Variants in RREB1 observed in about 807,000 individuals in gnomAD.
RREB1 encodes ras responsive element binding protein 1.
RREB1 carries 27 observed loss-of-function variants against 117.8 expected under a neutral mutation model. The observed-to-expected ratio is 0.23, with a 90% confidence interval of 0.17 to 0.32. The LOEUF is 0.32. Ranked by LOEUF, RREB1 falls within the 10% of genes least tolerant of loss-of-function variation. The probability of loss-of-function intolerance (pLI) is 1.00; values close to 1 mark genes in which losing one functional copy is unlikely to be tolerated. For synonymous variants in RREB1, 1,298 were observed against 1,026.7 expected (o/e 1.26, Z -5.05); for missense variants, 2,577 against 2,378.2 (o/e 1.08, Z -1.74).
At chr6:7,153,341 A>G (rs972052699) in intron 1 of RREB1, among the ~76,000 whole-genome samples, 1 of 151,934 alleles carries the variant, frequency 6.6e-6, no homozygotes, top group Non-Finnish European at 1.5e-5. Context: ...ACGTGATTAC[A>G]TAAATAAAAT....
chr6:7,190,281 A>AT (rs143134008), intron 6 of RREB1, among the ~76,000 whole-genome samples: 4,614 of 151,984 alleles, frequency 0.03, 234 homozygotes, highest in African/African-American at 0.1. Flanking sequence ...TTAAAATGAG[A>AT]TTTTTTTTGT....
In RREB1 at chr6:7,115,848, C is replaced by T. The variant is rs186034060; in HGVS notation, c.-285+7788C>T. ...CTCTCCCTTCCTTCTGGAAGGTGAT[C>T]ACCATCCACCCAGCCTTCTAGGCCA... On this transcript the variant is annotated intron_variant, in intron 1 of 12. Transcript: ENST00000379938. 3.3e-5 allele frequency among the ~76,000 whole-genome samples: 5 copies of T among 152,236 alleles called. No homozygotes were observed. The East Asian group carries it at 9.7e-4, about 29-fold the overall frequency.
At chr6:7,177,579 G>A (rs1039960862) in intron 2 of RREB1, among the ~76,000 whole-genome samples, 2 of 152,090 alleles carry the variant, frequency 1.3e-5, no homozygotes, top group African/African-American at 4.8e-5. Flanking sequence ...CTGTCGCCCA[G>A]GCTGGAATGC....
At chr6:7,127,958 G>A (rs562086957) in intron 1 of RREB1, among the ~76,000 whole-genome samples, 15 of 152,204 alleles carry the variant, frequency 9.9e-5, no homozygotes, top group African/African-American at 3.4e-4. Context: ...GAGTGGATGT[G>A]AAGGAAGTCA....
In RREB1 at chr6:7,250,412, C is replaced by G. The variant is rs2113217706; in HGVS notation, c.*1444C>G. 1 of 152,238 alleles carries G rather than the reference C, an allele frequency of 6.6e-6. No homozygotes were observed. The highest frequency in any genetic ancestry group is 1.9e-4 in the East Asian group (1 of 5,178). The allele number at this position is 152,238 out of a possible 1,614,324, so 9.4% of individuals were successfully genotyped here. ...GCCCACACCCCTGGATGCAAAAAGG[C>G]AGGGTTATTTTTACCCATGAGCATC... is the stretch of plus-strand genomic sequence containing the variant. On this transcript the variant is annotated 3_prime_UTR_variant, in exon 13 of 13. Transcript: ENST00000379938.
intron 11 of RREB1, among the ~76,000 whole-genome samples, chr6:7,245,377 A>G (rs181554483): frequency 1.3e-5 from 2 of 152,338 alleles, no homozygotes; most frequent in East Asian, 3.9e-4. Flanking sequence ...CCTGGGCGAC[A>G]AGGCGAAACT....
Position 7,250,580 on chromosome 6 carries a change from G to T in RREB1, c.*1612G>T, listed in dbSNP as rs982460077. 1.3e-5 allele frequency: 2 copies of T among 151,958 alleles called. No individual in the cohort carries two copies. The highest frequency in any genetic ancestry group is 4.2e-4 in the South Asian group (2 of 4,808). 9.4% of individuals were successfully genotyped at this position (151,958 alleles called of 1,614,324 possible). ...GCTGGGGACCCCTGTGCTTGCTGCA[G>T]TGTATGGAGCCTCTTGCCTTCCCCT... On this transcript the variant is annotated 3_prime_UTR_variant, in exon 13 of 13. Transcript: ENST00000379938.
At chr6:7,190,655 T>C (rs890764474) in intron 6 of RREB1, among the ~76,000 whole-genome samples, 2 of 152,250 alleles carry the variant, frequency 1.3e-5, no homozygotes, top group African/African-American at 4.8e-5. Flanking sequence ...AGGAATTGAA[T>C]AGTGTTACTA....
At chr6:7,187,570 A>G (rs1186678129) in intron 5 of RREB1, 47 bp downstream of exon 5, 4 of 881,918 alleles carry the variant, frequency 4.5e-6, no homozygotes, top group South Asian at 4.0e-5. Flanking sequence ...ATTTTATTTT[A>G]TTTTATTTTA....
chr6:7,162,993 G>A (rs891090665), intron 1 of RREB1, among the ~76,000 whole-genome samples: 3 of 151,976 alleles, frequency 2.0e-5, no homozygotes, highest in African/African-American at 7.3e-5. Flanking sequence ...GGGACTACAG[G>A]TACCCACCAC....
At chr6:7,139,424 T>A (rs1762470954) in intron 1 of RREB1, 1 of 152,206 alleles carries the variant, frequency 6.6e-6, no homozygotes, top group Non-Finnish European at 1.5e-5. Flanking sequence ...CAATATACTT[T>A]GAGTGAATGT....
chr6:7,181,559 T>A, intron 3 of RREB1: 1 of 533,728 alleles, frequency 1.9e-6, no homozygotes, highest in Non-Finnish European at 3.3e-6. Context: ...TTTGTCATTG[T>A]TGGCTTGGCC....
chr6:7,114,432 T>C (rs1385127529), intron 1 of RREB1, among the ~76,000 whole-genome samples: 1 of 150,170 alleles, frequency 6.7e-6, no homozygotes, highest in Admixed American at 6.6e-5. Context: ...CAGGGGACTT[T>C]TGGCACTGTC....
At chr6:7,171,460 C>G (rs77748006) in intron 1 of RREB1, among the ~76,000 whole-genome samples, 3,173 of 152,204 alleles carry the variant, frequency 0.021, 117 homozygotes, top group African/African-American at 0.072. Context: ...CAGCCATGGG[C>G]CAGGAGTCGC....
intron 6 of RREB1, among the ~76,000 whole-genome samples, chr6:7,191,616 T>A (rs1765413543): frequency 6.6e-6 from 1 of 152,238 alleles, no homozygotes; most frequent in South Asian, 2.1e-4. Flanking sequence ...CATGGGATGT[T>A]TTCCCATTTG....
At chr6:7,242,700 A>AGGGGG (rs77140508) in intron 11 of RREB1, among the ~76,000 whole-genome samples, 1 of 134,762 alleles carries the variant, frequency 7.4e-6, no homozygotes, top group African/African-American at 2.9e-5. Context: ...CTTAAAAAAA[A>AGGGGG]GGGGGGGGGG....
chr6:7,249,091 G>GAC lies in RREB1; in HGVS notation c.*124_*125insCA. On this transcript the variant is annotated 3_prime_UTR_variant, in exon 13 of 13. Transcript: ENST00000379938. ...AGAGAGAGAGAGAGAGAGAGAGAGA[G>GAC]AGAGAGAGAGAGACAAGCAGGAGCG... 1.3e-6 allele frequency: 1 copy of GAC among 769,578 alleles called. No homozygotes were observed. Among genetic ancestry groups the GAC allele is most frequent in the Admixed American group, 3.2e-5 (1 of 31,636 alleles). 47.7% of individuals were successfully genotyped at this position (769,578 alleles called of 1,614,324 possible). A position where few individuals can be genotyped will look rare whatever the true frequency, so the allele number is the denominator to read the frequency against.
At chr6:7,185,533 G>C (rs1265484480) in intron 4 of RREB1, among the ~76,000 whole-genome samples, 1 of 151,858 alleles carries the variant, frequency 6.6e-6, no homozygotes, top group East Asian at 1.9e-4. Context: ...TCGTGCCACT[G>C]TACTCCAGCC....
chr6:7,169,329 C>G (rs1282522857), intron 1 of RREB1, among the ~76,000 whole-genome samples: 2 of 152,244 alleles, frequency 1.3e-5, no homozygotes, highest in East Asian at 3.8e-4. Context: ...TGTGGGCCCT[C>G]TGCCCCTGTG....
Sources: allele counts gnomAD v4.1 joint callset (sites outside exome capture counted in the v4.1 genomes callset), GRCh38; gene constraint gnomAD v4.1.1; transcripts MANE v1.5; gene names NCBI Gene and HGNC (gene_info 2026-07-23, HGNC 2026-07-21).